MAN2B1: variants seen among roughly 807,000 people sequenced by gnomAD.
MAN2B1 encodes the protein lysosomal alpha-mannosidase.
MAN2B1 carries 99 observed loss-of-function variants against 127.5 expected under a neutral mutation model. The observed-to-expected ratio is 0.78, with a 90% CI of 0.66 to 0.92. The LOEUF (loss-of-function observed/expected upper bound fraction) is 0.92, where lower values mean the gene tolerates loss of function less well. Ranked by LOEUF, MAN2B1 falls within the 40% of genes least tolerant of loss-of-function variation. MAN2B1 has a pLI of 0.00. For missense variants in MAN2B1, 1,304 were observed against 1,384.8 expected, an observed-to-expected ratio of 0.94 and a Z score of 0.93; for synonymous variants, 573 against 568.8, an observed-to-expected ratio of 1.01 and a Z score of -0.11.
chr19:12,659,255 A>C (rs1244985223), intron 7 of MAN2B1, among the ~76,000 whole-genome samples: 1 of 151,030 alleles, frequency 6.6e-6, no homozygotes, highest in Non-Finnish European at 1.5e-5. Context: ...TTTGTTTTGC[A>C]CGAGCTGTGT....
At chr19:12,649,055 T>G (rs756302695) in intron 20 of MAN2B1, 81 bp downstream of exon 20, 14 of 1,199,814 alleles carry the variant, frequency 1.2e-5, no homozygotes, top group Non-Finnish European at 1.7e-5. Flanking sequence ...AGCAGAGAAC[T>G]GGGCCAGAAA....
intron 20 of MAN2B1, 99 bp from the exon 21 acceptor site, chr19:12,648,501 T>A: frequency 1.1e-6 from 1 of 873,822 alleles, no homozygotes; most frequent in Non-Finnish European, 1.8e-6. Flanking sequence ...CAAAAGAAAT[T>A]AAAGGGTGGG....
intron 7 of MAN2B1, chr19:12,660,934 T>C (rs1353341607): frequency 5.7e-6 from 2 of 347,856 alleles, no homozygotes; most frequent in Non-Finnish European, 5.7e-6. Context: ...AATTTCTGTA[T>C]TTTTAGTAGA....
At chr19:12,654,191 C>T (rs943393228) in intron 14 of MAN2B1, among the ~76,000 whole-genome samples, 2 of 151,732 alleles carry the variant, frequency 1.3e-5, no homozygotes, top group African/African-American at 4.8e-5. Flanking sequence ...TACAGATGCT[C>T]GCCACCACGC....
In MAN2B1 at chr19:12,664,871, C is replaced by G. The variant is rs758067984; in HGVS notation, c.551G>C (p.Gly184Ala). The change falls in exon 4 of 24, where the codon GGC (glycine) becomes GCC (alanine). Residue 184 changes from glycine to alanine, a missense_variant. Transcript: ENST00000456935. ...GGCCACACGGGGTCGCCCATCATTG[C>G]CAAATGTGTCCTCCAGAAAGCGCAG... ...LGLRFLEDTF[G>A]NDGRPRVAWH... 1.2e-6 allele frequency: 2 copies of G among 1,614,072 alleles called. No individual in the cohort carries two copies. The highest frequency in any genetic ancestry group is 1.7e-6 in the Non-Finnish European group (2 of 1,179,988).
chr19:12,656,007 G>T, intron 13 of MAN2B1, 128 bp from the exon 14 acceptor site: 1 of 720,662 alleles, frequency 1.4e-6, no homozygotes, highest in Non-Finnish European at 2.4e-6. Context: ...GTGTGTGGTG[G>T]GGGGACAGTC....
In MAN2B1 at chr19:12,657,432, C is replaced by T. The variant is rs1568303600; in HGVS notation, c.1419+14G>A. 1 of 1,546,884 alleles carries T rather than the reference C, an allele frequency of 6.5e-7. No homozygotes were observed. Among genetic ancestry groups the T allele is most frequent in the East Asian group, 2.4e-5 (1 of 40,952 alleles). On this transcript the variant is annotated intron_variant, in intron 11 of 23. Coordinates refer to ENST00000456935, the MANE Select transcript of MAN2B1 (RefSeq NM_000528.4). ...GTCTCCACCCCCGTGTCTCCCAAGTCTCGCCCCGCGCACCTCGCAAGGCCC... is the reference window on the plus strand; with the variant it reads ...GTCTCCACCCCCGTGTCTCCCAAGTTTCGCCCCGCGCACCTCGCAAGGCCC...
chr19:12,657,128 G>A (rs2023982691), intron 11 of MAN2B1, 72 bp from the exon 12 acceptor site: 4 of 915,200 alleles, frequency 4.4e-6, no homozygotes, highest in Middle Eastern at 2.1e-4. Context: ...CTCAGGCCCC[G>A]CCCCGTTCCG....
At chr19:12,661,867 CAG>C (rs1229709325) in intron 6 of MAN2B1, among the ~76,000 whole-genome samples, 1 of 150,162 alleles carries the variant, frequency 6.7e-6, no homozygotes, top group African/African-American at 2.5e-5. Flanking sequence ...TTTTTTGAGA[CAG>C]AGTTTCACTC....
intron 14 of MAN2B1, 121 bp from the exon 15 acceptor site, chr19:12,652,581 G>C (rs564901491): frequency 2.7e-6 from 2 of 732,088 alleles, no homozygotes; most frequent in Admixed American, 2.4e-5. Context: ...GCCCAGGCTA[G>C]AGTACAGTGG....
intron 10 of MAN2B1, 43 bp downstream of exon 10, chr19:12,658,020 A>C (rs369125112): frequency 1.3e-6 from 2 of 1,572,550 alleles, no homozygotes; most frequent in East Asian, 2.2e-5. Context: ...GTGGTTTCCA[A>C]CTTCAGCCGC....
intron 16 of MAN2B1, among the ~76,000 whole-genome samples, chr19:12,651,643 G>A (rs995888969): frequency 9.5e-5 from 14 of 147,176 alleles, no homozygotes; most frequent in Admixed American, 3.6e-4. Flanking sequence ...ACAAATGTGA[G>A]TTTTGTCATC....
At position 12,658,514 on chromosome 19, in the gene MAN2B1, C is replaced by T. The variant is rs368900863; in HGVS notation, c.1027-4G>A. The T allele has an allele frequency of 3.7e-4, 600 of 1,613,914 alleles. No homozygotes were observed. Among genetic ancestry groups the T allele is most frequent in the Non-Finnish European group, 4.9e-4 (574 of 1,180,004 alleles). On this transcript the variant is annotated splice_polypyrimidine_tract_variant and splice_region_variant and intron_variant, in intron 7 of 23. Transcript: ENST00000456935. Reference sequence around the variant, plus strand: ...GGACACTGCTTCCTTTTGCCTGCTGCTGGGGGAGGCGACGGAGTGAGCCCT... The same window carrying T: ...GGACACTGCTTCCTTTTGCCTGCTGTTGGGGGAGGCGACGGAGTGAGCCCT...
At chr19:12,655,426 C>A (rs1045361920) in intron 14 of MAN2B1, among the ~76,000 whole-genome samples, 1 of 152,194 alleles carries the variant, frequency 6.6e-6, no homozygotes, top group Admixed American at 6.6e-5. Flanking sequence ...TTCCCTGAAA[C>A]GTCCCTGCCA....
chr19:12,648,107 C>T (rs2023738310), intron 21 of MAN2B1, 68 bp downstream of exon 21: 31 of 1,435,070 alleles, frequency 2.2e-5, no homozygotes, highest in Non-Finnish European at 2.7e-5. Context: ...CTAGGAAACT[C>T]CGCACCCAAA....
At chr19:12,660,752 ATTT>A (rs1168857464) in intron 7 of MAN2B1, 76 of 102,208 alleles carry the variant, frequency 7.4e-4, no homozygotes, top group Middle Eastern at 6.0e-3. Flanking sequence ...CTCAGGCTGG[ATTT>A]TTTTTTTTTT....
At chr19:12,654,973 T>C (rs1225837414) in intron 14 of MAN2B1, among the ~76,000 whole-genome samples, 2 of 152,140 alleles carry the variant, frequency 1.3e-5, no homozygotes, top group Non-Finnish European at 2.9e-5. Context: ...GCCTATTTTA[T>C]TATTATTCTT....
In MAN2B1 at chr19:12,655,861, A is replaced by G. The variant is rs771628343; in HGVS notation, c.1663T>C (p.Ser555Pro). ...VPSDVVIFPS[S>P]DSQAHPPELL... ...TCCGGAGGGTGCGCCTGGCTGTCTG[A>G]GCTGGGAAATATTACCACCTCGGAT... The change falls in exon 14 of 24, where the codon TCA becomes CCA. Residue 555 changes from serine to proline, a missense_variant. Ser to Pro is a moderately conservative substitution (Grantham distance 74). Transcript: ENST00000456935. 1.1e-5 allele frequency: 17 copies of G among 1,613,670 alleles called. No individual in the cohort carries two copies. The highest frequency in any genetic ancestry group is 1.4e-5 in the Non-Finnish European group (16 of 1,180,010).
chr19:12,647,094 C>G lies in MAN2B1; in HGVS notation c.2923+139G>C, dbSNP rs1439899009. On this transcript the variant is annotated intron_variant, in intron 23 of 23. Coordinates refer to ENST00000456935, the MANE Select transcript of MAN2B1 (RefSeq NM_000528.4). This position sits in a 1 kb window ranked among gnomAD's most constrained non-coding sequence, Gnocchi z 4.9. ...CACCCATTTCAGATCCTTTAAGCCC[C>G]TAACCTGGGTCTGGACTCTGCCCCA... 1 of 806,162 alleles carries G rather than the reference C, an allele frequency of 1.2e-6. No homozygotes were observed. The highest frequency in any genetic ancestry group is 1.7e-5 in the African/African-American group (1 of 58,992). 49.9% of individuals were successfully genotyped at this position (806,162 alleles called of 1,614,324 possible).
Sources: allele counts gnomAD v4.1 joint callset (sites outside exome capture counted in the v4.1 genomes callset), GRCh38; gene constraint gnomAD v4.1.1; non-coding constraint Gnocchi (gnomAD v3.1); transcripts MANE v1.5; gene names NCBI Gene and HGNC (gene_info 2026-07-23, HGNC 2026-07-21).